FHAD1: variants seen among roughly 807,000 people sequenced by gnomAD.
FHAD1 encodes forkhead-associated domain-containing protein 1.
A neutral mutation model predicts 191.3 loss-of-function variants in FHAD1; 146 were observed. That is an observed-to-expected ratio of 0.76 (90% CI 0.67 to 0.88). The LOEUF (loss-of-function observed/expected upper bound fraction) is 0.88, where lower values mean the gene tolerates loss of function less well. Among genes scored for constraint, FHAD1 ranks in the 40% least tolerant of loss-of-function variants. The pLI is 0.00. For missense variants in FHAD1, 1,635 were observed against 1,785.8 expected, an observed-to-expected ratio of 0.92 and a Z score of 1.52; for synonymous variants, 616 against 672.3, an observed-to-expected ratio of 0.92 and a Z score of 1.29.
At chr1:15,290,808 A>G (rs1257554016) in intron 4 of FHAD1, among the ~76,000 whole-genome samples, 1 of 151,396 alleles carries the variant, frequency 6.6e-6, no homozygotes, top group Non-Finnish European at 1.5e-5. Flanking sequence ...TTCTGGGTTC[A>G]CGCCATTCTC....
intron 6 of FHAD1, among the ~76,000 whole-genome samples, chr1:15,307,159 A>G (rs1255879051): frequency 1.3e-5 from 2 of 152,158 alleles, no homozygotes; most frequent in Non-Finnish European, 2.9e-5. Context: ...TTGGAGCTTT[A>G]AAGTTTGACT....
chr1:15,393,072 CTT>C (rs35952768), intron 33 of FHAD1: 7,916 of 123,766 alleles, frequency 0.064, 554 homozygotes, highest in African/African-American at 0.2. Flanking sequence ...AAATTCATTC[CTT>C]TTTTTTTTTT....
intron 28 of FHAD1, among the ~76,000 whole-genome samples, chr1:15,379,066 G>A (rs1700298787): frequency 6.6e-6 from 1 of 152,004 alleles, no homozygotes; most frequent in African/African-American, 2.4e-5. Context: ...TCGTAAGGTG[G>A]AACGAGAGAC....
At chr1:15,275,197 C>T (rs28683593) in intron 3 of FHAD1, among the ~76,000 whole-genome samples, 151 of 152,242 alleles carry the variant, frequency 9.9e-4, no homozygotes, top group African/African-American at 3.5e-3. Context: ...CTCCTGACCT[C>T]GTGATCCGCC....
chr1:15,335,409 C>T (rs1235723329), intron 14 of FHAD1: 1 of 151,896 alleles, frequency 6.6e-6, no homozygotes, highest in Non-Finnish European at 1.5e-5. Flanking sequence ...GCAAATCACT[C>T]AACTATCCAA....
chr1:15,251,986 G>A, intron 2 of FHAD1, 109 bp downstream of exon 2: 1 of 900,974 alleles, frequency 1.1e-6, no homozygotes, highest in Non-Finnish European at 1.7e-6. Flanking sequence ...CCACAACCTG[G>A]GCAAGCAGCC....
rs1672730011 is a variant in FHAD1 at position 15,312,902 on chromosome 1, G to T, written c.1040-155G>T. Among the ~76,000 whole-genome samples, 1 of 152,194 alleles carries T rather than the reference G, an allele frequency of 6.6e-6. No homozygotes were observed. Among genetic ancestry groups the T allele is most frequent in the Non-Finnish European group, 1.5e-5 (1 of 68,036 alleles). On this transcript the variant is annotated intron_variant, in intron 7 of 33. Coordinates refer to ENST00000688493, the MANE Select transcript of FHAD1 (RefSeq NM_001391957.1). This position sits in a 1 kb window ranked among gnomAD's most constrained non-coding sequence, Gnocchi z 4.7. ...CACTGGGACCTTGAACAAATGATGT[G>T]CAGTGGATATTGGTCTCAACCCCAT...
intron 14 of FHAD1, among the ~76,000 whole-genome samples, chr1:15,333,257 TCTCTA>T (rs1166615413): frequency 3.9e-5 from 6 of 152,194 alleles, no homozygotes; most frequent in Admixed American, 2.6e-4. Flanking sequence ...TGCCCCATAT[TCTCTA>T]CTCTTGTACC....
chr1:15,265,338 A>G (rs1652929134), intron 2 of FHAD1, among the ~76,000 whole-genome samples: 1 of 152,216 alleles, frequency 6.6e-6, no homozygotes, highest in Non-Finnish European at 1.5e-5. Flanking sequence ...GCTGATAATA[A>G]TAATAAAAAC....
chr1:15,279,572 AAAG>A (rs1247054833), intron 3 of FHAD1, among the ~76,000 whole-genome samples: 11 of 149,264 alleles, frequency 7.4e-5, no homozygotes, highest in Non-Finnish European at 1.3e-4. Context: ...AAAAAAAAAA[AAAG>A]GAATCTCTTT....
intron 3 of FHAD1, among the ~76,000 whole-genome samples, chr1:15,288,698 A>G (rs1663373816): frequency 1.3e-5 from 2 of 152,348 alleles, no homozygotes; most frequent in Admixed American, 6.5e-5. Context: ...AAAAGTCCCT[A>G]ATCCCTTAGA....
intron 5 of FHAD1, 44 bp downstream of exon 5, chr1:15,296,837 G>C: frequency 2.1e-6 from 3 of 1,458,024 alleles, no homozygotes; most frequent in Non-Finnish European, 2.8e-6. Flanking sequence ...AGCAGCAAGC[G>C]CACTGCAAAG....
At chr1:15,243,141 A>G (rs542201500), upstream of FHAD1, among the ~76,000 whole-genome samples, 4 of 152,234 alleles carry the variant, frequency 2.6e-5, no homozygotes, top group South Asian at 8.3e-4. Context: ...GAAAGAGTCG[A>G]CATGAGACGA....
At chr1:15,324,209 G>A (rs1232328654) in intron 10 of FHAD1, among the ~76,000 whole-genome samples, 1 of 152,144 alleles carries the variant, frequency 6.6e-6, no homozygotes, top group Non-Finnish European at 1.5e-5. Context: ...GACCGGGCTG[G>A]GATTAGAGCC....
downstream of FHAD1, among the ~76,000 whole-genome samples, chr1:15,400,497 G>C (rs1395238921): frequency 1.3e-5 from 2 of 152,182 alleles, no homozygotes; most frequent in African/African-American, 2.4e-5. Flanking sequence ...AGTTGGGTTA[G>C]GGTAGTAGTT....
chr1:15,282,203 C>T lies in FHAD1; in HGVS notation c.301-7196C>T, dbSNP rs578082646. 1.6e-4 allele frequency among the ~76,000 whole-genome samples: 24 copies of T among 152,298 alleles called. No individual in the cohort carries two copies. The South Asian group carries it at 5.0e-3, about 32-fold the overall frequency. On this transcript the variant is annotated intron_variant, in intron 3 of 33. Transcript: ENST00000688493. The stretch of plus-strand genomic sequence containing the variant: ...TGTTTGCCAATTGTTCAATTCAGTT[C>T]GGTCAGCAGGCACCTAGAGTGTGTG...
intron 2 of FHAD1, among the ~76,000 whole-genome samples, chr1:15,257,583 C>T (rs943558): frequency 0.59 from 89,157 of 152,004 alleles, 26,440 homozygotes; most frequent in East Asian, 0.7. Context: ...AGGCGTCCTG[C>T]GCTCTGTGAT....
chr1:15,265,202 C>G (rs1271847569), intron 2 of FHAD1, among the ~76,000 whole-genome samples: 1 of 152,162 alleles, frequency 6.6e-6, no homozygotes, highest in Non-Finnish European at 1.5e-5. Flanking sequence ...GTCTCAGCTT[C>G]TCCATCTGTA....
At chr1:15,328,111 T>TCC in intron 12 of FHAD1, 166 bp from the exon 13 acceptor site, 2 of 416,230 alleles carry the variant, frequency 4.8e-6, no homozygotes, top group Non-Finnish European at 8.5e-6. Flanking sequence ...AGGACCAACG[T>TCC]CCCCCTTGAC....
Sources: gnomAD v4.1 joint callset for allele counts (sites outside exome capture counted in the v4.1 genomes callset) on GRCh38, gnomAD v4.1.1 for gene constraint, Gnocchi (gnomAD v3.1) non-coding constraint, MANE v1.5 for transcripts, NCBI Gene and HGNC (gene_info 2026-07-23, HGNC 2026-07-21) for gene names.